Variants in LRCH1 observed in about 807,000 individuals in gnomAD.
LRCH1 encodes the protein leucine-rich repeat and calponin homology domain-containing protein 1.
A neutral mutation model predicts 94.9 loss-of-function variants in LRCH1; 23 were observed. The observed-to-expected ratio is 0.24, with a 90% confidence interval of 0.17 to 0.34. The LOEUF (loss-of-function observed/expected upper bound fraction) is 0.34, where lower values mean the gene tolerates loss of function less well. LRCH1 is among the 10% of genes least tolerant of loss of function. LRCH1 has a pLI of 1.00. For synonymous variants in LRCH1, 364 were observed against 354.9 expected (o/e 1.03, Z -0.29); for missense variants, 790 against 945.9 (o/e 0.84, Z 2.16).
rs773792845 is a variant in LRCH1 at position 46,705,270 on chromosome 13, G to A, written c.1493G>A (p.Gly498Asp). 6.2e-7 allele frequency: 1 copy of A among 1,612,944 alleles called. No individual in the cohort carries two copies. Among genetic ancestry groups the A allele is most frequent in the East Asian group, 2.2e-5 (1 of 44,862 alleles). Reference sequence around the variant, plus strand: ...TTTTTCTTTCCTTGTTCTCACAGTGGTCAAATACAGCTGGAGACATCTCCG... The same window carrying A: ...TTTTTCTTTCCTTGTTCTCACAGTGATCAAATACAGCTGGAGACATCTCCG... ...ALELQDSALN[G>D]QIQLETSPVC... Residue 498 changes from glycine (G) to aspartate (D), a missense_variant and splice_region_variant, in exon 13 of 20, where the codon GGT (glycine) becomes GAT (aspartate). Coordinates refer to ENST00000389797, the MANE Select transcript of LRCH1 (RefSeq NM_001164211.2).
Position 46,553,274 on chromosome 13 carries a change from T to A in LRCH1, c.-123T>A. 1.9e-5 allele frequency: 6 copies of A among 315,880 alleles called. No homozygotes were observed. The highest frequency in any genetic ancestry group is 3.3e-5 in the African/African-American group (1 of 30,206). 19.6% of individuals were successfully genotyped at this position (315,880 alleles called of 1,614,324 possible). A position where few individuals can be genotyped will look rare whatever the true frequency, so the allele number is the denominator to read the frequency against. On this transcript the variant is annotated 5_prime_UTR_variant, in exon 1 of 20. Transcript: ENST00000389797. The stretch of plus-strand genomic sequence containing the variant: ...CGCGCCTGCCCACACCCTCCTCCCC[T>A]CCTTCCAGCGCCTTTCGGTGGAGCA...
Position 46,553,572 on chromosome 13 carries a change from T to C in LRCH1, c.176T>C (p.Leu59Ser). 6.5e-7 allele frequency: 1 copy of C among 1,550,174 alleles called. No individual in the cohort carries two copies. The highest frequency in any genetic ancestry group is 8.7e-7 in the Non-Finnish European group (1 of 1,146,926). The change falls in exon 1 of 20, where the codon TTG (leucine) becomes TCG (serine). Residue 59 changes from leucine to serine, a missense_variant. By Grantham distance (145) the Leu-to-Ser change is moderately radical (BLOSUM62 -2). Coordinates refer to ENST00000389797, the MANE Select transcript of LRCH1 (RefSeq NM_001164211.2). ...GGGSGGFNLP[L>S]NRGLERALEE... ...GGCAGCGGGGGCTTCAACCTGCCCT[T>C]GAACCGGGGTCTGGAGCGCGCGCTT... is the stretch of plus-strand genomic sequence containing the variant.
chr13:46,723,430 T>C (rs563256633), intron 17 of LRCH1, 100 bp downstream of exon 17: 1 of 878,644 alleles, frequency 1.1e-6, no homozygotes, highest in Middle Eastern at 3.1e-4. Context: ...TAATTTCAAA[T>C]CTAGCCAGGT....
In LRCH1 at chr13:46,646,984, A is replaced by G. The variant is rs374983517; in HGVS notation, c.308-3217A>G. ...AAAAATTAGCTGGACGTGGTGGTGCATGCCTGTAGTCCCAGCTACTGAGGA... is the reference window on the plus strand; with the variant it reads ...AAAAATTAGCTGGACGTGGTGGTGCGTGCCTGTAGTCCCAGCTACTGAGGA... On this transcript the variant is annotated intron_variant, in intron 1 of 19. Coordinates refer to ENST00000389797, the MANE Select transcript of LRCH1 (RefSeq NM_001164211.2). Among the ~76,000 whole-genome samples, 12 of 152,110 alleles carry G rather than the reference A, an allele frequency of 7.9e-5. No homozygotes were observed. The East Asian group carries it at 2.3e-3, about 29-fold the overall frequency.
At chr13:46,643,770 A>G (rs1284960490) in intron 1 of LRCH1, among the ~76,000 whole-genome samples, 1 of 152,208 alleles carries the variant, frequency 6.6e-6, no homozygotes, top group African/African-American at 2.4e-5. Flanking sequence ...AAAGCAAGTC[A>G]TATATTTGGA....
intron 1 of LRCH1, among the ~76,000 whole-genome samples, chr13:46,614,871 G>C (rs1445010063): frequency 1.3e-5 from 2 of 152,094 alleles, no homozygotes; most frequent in Non-Finnish European, 2.9e-5. Flanking sequence ...AAATCCTGTT[G>C]GAATTGTATT....
chr13:46,706,152 G>A (rs574452598), intron 13 of LRCH1, among the ~76,000 whole-genome samples: 1 of 152,356 alleles, frequency 6.6e-6, no homozygotes, highest in South Asian at 2.1e-4. Flanking sequence ...CATGTTGCTA[G>A]AGAGTGTGGT....
At chr13:46,608,155 A>G (rs1323316290) in intron 1 of LRCH1, among the ~76,000 whole-genome samples, 5 of 152,282 alleles carry the variant, frequency 3.3e-5, no homozygotes, top group African/African-American at 1.2e-4. Flanking sequence ...AGAACTTGGG[A>G]TCCAATTTAT....
intron 9 of LRCH1, among the ~76,000 whole-genome samples, chr13:46,698,785 T>A (rs940742450): frequency 6.6e-6 from 1 of 152,228 alleles, no homozygotes; most frequent in Non-Finnish European, 1.5e-5. Flanking sequence ...TTTTTTAAAT[T>A]TAAAAATGTT....
chr13:46,589,915 T>G (rs1375743080), intron 1 of LRCH1, among the ~76,000 whole-genome samples: 1 of 151,782 alleles, frequency 6.6e-6, no homozygotes, highest in African/African-American at 2.4e-5. Context: ...TTTTTTTTTT[T>G]TTTGACATTG....
rs1566267503 is a variant in LRCH1, at chr13:46,750,758, A to G, written c.*108A>G. 1.9e-5 allele frequency: 13 copies of G among 696,354 alleles called. No individual in the cohort carries two copies. The South Asian group carries it at 2.4e-4, about 13-fold the overall frequency. The allele number at this position is 696,354 out of a possible 1,614,324, so 43.1% of individuals were successfully genotyped here. On this transcript the variant is annotated 3_prime_UTR_variant, in exon 19 of 19. Transcript: ENST00000311191. ...TCTCCCACCCACTGCCTGTCACTTC[A>G]CTGACTCCAGTTACATTGAAACAAT... is the stretch of plus-strand genomic sequence containing the variant.
intron 3 of LRCH1, among the ~76,000 whole-genome samples, chr13:46,673,455 G>A (rs937523256): frequency 6.6e-6 from 1 of 152,090 alleles, no homozygotes. Flanking sequence ...GCTTAAAATA[G>A]TAGTGTTACT....
At position 46,744,581 on chromosome 13, in the gene LRCH1, A is replaced by G; in HGVS notation, c.*2733A>G. 2 of 985,392 alleles carry G rather than the reference A, an allele frequency of 2.0e-6. No individual in the cohort carries two copies. The highest frequency in any genetic ancestry group is 2.4e-6 in the Non-Finnish European group (2 of 829,928). 61.0% of individuals were successfully genotyped at this position (985,392 alleles called of 1,614,324 possible). On this transcript the variant is annotated 3_prime_UTR_variant, in exon 20 of 20. Transcript: ENST00000389797. The stretch of plus-strand genomic sequence containing the variant: ...ATGATAATCGAGTATAAATTTCATC[A>G]ATGAGAGTAGATAAATAAAGGCACT...
intron 1 of LRCH1, among the ~76,000 whole-genome samples, chr13:46,610,664 T>C (rs1271183156): frequency 6.6e-6 from 1 of 152,194 alleles, no homozygotes; most frequent in Non-Finnish European, 1.5e-5. Context: ...CATTCCTTTA[T>C]ATAGCTGAGT....
intron 3 of LRCH1, among the ~76,000 whole-genome samples, chr13:46,672,601 G>A (rs913101285): frequency 9.2e-5 from 14 of 152,188 alleles, no homozygotes; most frequent in Admixed American, 5.2e-4. Context: ...CAGGGCTGAC[G>A]TGTAAACAGC....
intron 11 of LRCH1, among the ~76,000 whole-genome samples, chr13:46,702,254 C>A (rs1871518550): frequency 6.6e-6 from 1 of 152,188 alleles, no homozygotes. Flanking sequence ...GTGATCCCAG[C>A]ACTTTGGAAG....
intron 1 of LRCH1, among the ~76,000 whole-genome samples, chr13:46,602,213 C>T (rs1450746074): frequency 2.0e-5 from 3 of 152,086 alleles, no homozygotes; most frequent in Admixed American, 1.3e-4. Flanking sequence ...TTTTTGGTTC[C>T]GCTAGAATAA....
intron 1 of LRCH1, among the ~76,000 whole-genome samples, chr13:46,629,473 T>G (rs990412839): frequency 3.9e-5 from 6 of 152,356 alleles, no homozygotes; most frequent in African/African-American, 1.4e-4. Context: ...GCAGAGCAGC[T>G]GGCTAATGCT....
At chr13:46,560,099 A>C (rs2050113182) in intron 1 of LRCH1, among the ~76,000 whole-genome samples, 1 of 140,792 alleles carries the variant, frequency 7.1e-6, no homozygotes, top group South Asian at 2.3e-4. Flanking sequence ...TTGTTTAAAC[A>C]CAAGCTATTT....
Sources: allele counts gnomAD v4.1 joint callset (sites outside exome capture counted in the v4.1 genomes callset), GRCh38; gene constraint gnomAD v4.1.1; transcripts MANE v1.5; gene names NCBI Gene and HGNC (gene_info 2026-07-23, HGNC 2026-07-21).